Variants in ARHGAP24 observed in about 807,000 individuals in gnomAD.
ARHGAP24 encodes the protein rho GTPase-activating protein 24.
Under a neutral mutation model 76.4 loss-of-function variants are expected in ARHGAP24, and 50 were observed. That is an observed-to-expected ratio of 0.65 (90% CI 0.52 to 0.83). ARHGAP24 has a LOEUF of 0.83. Among genes scored for constraint, ARHGAP24 ranks in the 40% least tolerant of loss-of-function variants. The pLI, the probability that ARHGAP24 is intolerant of heterozygous loss-of-function variation, is 0.00. For synonymous variants in ARHGAP24, 345 were observed against 323.3 expected (o/e 1.07, Z -0.72); for missense variants, 930 against 914.2 (o/e 1.02, Z -0.22).
At chr4:85,526,588 A>G (rs1725008871) in intron 1 of ARHGAP24, among the ~76,000 whole-genome samples, 1 of 152,068 alleles carries the variant, frequency 6.6e-6, no homozygotes, top group Non-Finnish European at 1.5e-5. Context: ...AGGGAGAAGG[A>G]CAGTTCATGG....
intron 3 of ARHGAP24, among the ~76,000 whole-genome samples, chr4:85,734,367 A>AT (rs34520141): frequency 0.54 from 81,805 of 151,840 alleles, 24,439 homozygotes; most frequent in Non-Finnish European, 0.69. Flanking sequence ...TTATTTGTGT[A>AT]TTTTTTTCTT....
chr4:85,633,826 C>T lies in ARHGAP24; in HGVS notation c.180+63105C>T, dbSNP rs551132145. Among the ~76,000 whole-genome samples the T allele has an allele frequency of 2.2e-4, 34 of 151,998 alleles. No individual in the cohort carries two copies. The South Asian group carries it at 4.3e-3, about 19-fold the overall frequency. ...GATTTCTCCTCTCTAAAGTTAAGTT[C>T]TGAGTTTTGCAGATTGCCTCTGCAA... On this transcript the variant is annotated intron_variant, in intron 2 of 9. Transcript: ENST00000395184.
intron 3 of ARHGAP24, among the ~76,000 whole-genome samples, chr4:85,902,824 G>A (rs538047989): frequency 1.4e-4 from 21 of 152,264 alleles, no homozygotes; most frequent in African/African-American, 5.1e-4. Context: ...GGCTGGTCTC[G>A]AACTCCTGAG....
At chr4:85,482,025 A>G (rs1045594319) in intron 1 of ARHGAP24, among the ~76,000 whole-genome samples, 2 of 152,186 alleles carry the variant, frequency 1.3e-5, no homozygotes, top group African/African-American at 4.8e-5. Flanking sequence ...GCTACCTTGA[A>G]GAGTCATCTT....
At chr4:85,916,374 C>A (rs539998073) in intron 3 of ARHGAP24, among the ~76,000 whole-genome samples, 2 of 152,134 alleles carry the variant, frequency 1.3e-5, no homozygotes, top group Non-Finnish European at 2.9e-5. Context: ...CATGTTCACT[C>A]TGATGATAGC....
intron 5 of ARHGAP24, among the ~76,000 whole-genome samples, chr4:85,968,133 T>C (rs1333301766): frequency 6.6e-6 from 1 of 152,082 alleles, no homozygotes; most frequent in Non-Finnish European, 1.5e-5. Context: ...TGGGCCAGTT[T>C]CAATTTTATT....
At chr4:85,918,953 G>A (rs142553228) in intron 3 of ARHGAP24, among the ~76,000 whole-genome samples, 82 of 152,238 alleles carry the variant, frequency 5.4e-4, no homozygotes, top group African/African-American at 1.9e-3. Flanking sequence ...ATCATTTAAA[G>A]TAGTAGTATT....
intron 1 of ARHGAP24, among the ~76,000 whole-genome samples, chr4:85,518,441 T>A (rs1378752921): frequency 6.6e-6 from 1 of 152,156 alleles, no homozygotes; most frequent in Non-Finnish European, 1.5e-5. Context: ...TAGTGGTGAT[T>A]TGTGAGATTT....
intron 8 of ARHGAP24, chr4:85,991,078 C>T (rs1204725855): frequency 2.6e-5 from 4 of 151,600 alleles, no homozygotes; most frequent in Non-Finnish European, 5.9e-5. Context: ...GAAAAAGTGG[C>T]GAAAGATTTG....
At position 86,000,724 on chromosome 4, in the gene ARHGAP24, C is replaced by A. The variant is rs1354140295; in HGVS notation, c.*2C>A. On this transcript the variant is annotated 3_prime_UTR_variant, in exon 10 of 10. Coordinates refer to ENST00000395184, the MANE Select transcript of ARHGAP24 (RefSeq NM_001025616.3). Reference sequence around the variant, plus strand: ...GGAAACACAATATGGATTCAGTGAGCCTGCTTTCGCCTGCTGTCTCTGATG... The same window carrying A: ...GGAAACACAATATGGATTCAGTGAGACTGCTTTCGCCTGCTGTCTCTGATG... 1 of 1,613,586 alleles carries A rather than the reference C, an allele frequency of 6.2e-7. No individual in the cohort carries two copies.
At chr4:85,821,375 A>G (rs2110123953) in intron 3 of ARHGAP24, among the ~76,000 whole-genome samples, 2 of 152,290 alleles carry the variant, frequency 1.3e-5, no homozygotes, top group East Asian at 1.9e-4. Context: ...ATATTTTACT[A>G]TTATTATGAT....
At position 85,607,564 on chromosome 4, in the gene ARHGAP24, A is replaced by G. The variant is rs186225394; in HGVS notation, c.180+36843A>G. On this transcript the variant is annotated intron_variant, in intron 2 of 9. Coordinates refer to ENST00000395184, the MANE Select transcript of ARHGAP24 (RefSeq NM_001025616.3). ...CATTTCATTCATTTGAATCTGTCCC[A>G]GATATTTCTCTGTGCATTTAGCTAT... 3.3e-5 allele frequency among the ~76,000 whole-genome samples: 5 copies of G among 152,134 alleles called. No individual in the cohort carries two copies. The East Asian group carries it at 9.6e-4, about 29-fold the overall frequency.
chr4:85,495,475 C>G (rs539555960), intron 1 of ARHGAP24, among the ~76,000 whole-genome samples: 19 of 150,226 alleles, frequency 1.3e-4, no homozygotes, highest in Non-Finnish European at 5.9e-5. Context: ...CTCAGCCTCC[C>G]GAGTAGCTGG....
intron 2 of ARHGAP24, among the ~76,000 whole-genome samples, chr4:85,666,117 A>G (rs1408359609): frequency 6.6e-6 from 1 of 152,216 alleles, no homozygotes. Flanking sequence ...GTGTTTTCCA[A>G]CTTGGTTCCA....
At chr4:85,848,653 T>C (rs1227662952) in intron 3 of ARHGAP24, among the ~76,000 whole-genome samples, 1 of 152,234 alleles carries the variant, frequency 6.6e-6, no homozygotes, top group East Asian at 1.9e-4. Flanking sequence ...CGGTTTCAGC[T>C]TTCTACATAA....
intron 8 of ARHGAP24, among the ~76,000 whole-genome samples, chr4:85,980,350 T>C (rs1229445363): frequency 6.6e-6 from 1 of 152,228 alleles, no homozygotes; most frequent in Non-Finnish European, 1.5e-5. Context: ...ACAGGGTTTT[T>C]ATTTATTCCT....
intron 3 of ARHGAP24, among the ~76,000 whole-genome samples, chr4:85,824,863 T>C (rs1257741404): frequency 2.0e-5 from 3 of 152,086 alleles, no homozygotes; most frequent in Non-Finnish European, 4.4e-5. Flanking sequence ...GCCAAGATGG[T>C]TGGATCACCT....
At chr4:85,614,006 G>T (rs1720473770) in intron 2 of ARHGAP24, among the ~76,000 whole-genome samples, 1 of 152,092 alleles carries the variant, frequency 6.6e-6, no homozygotes, top group Non-Finnish European at 1.5e-5. Context: ...AGACAAATGG[G>T]CCAAGCTTAG....
rs986462642 is a variant in ARHGAP24, at chr4:85,721,802, C to A, written c.181-83C>A. The A allele has an allele frequency of 1.2e-5, 15 of 1,203,254 alleles. No individual in the cohort carries two copies. The African/African-American group carries it at 2.1e-4, about 17-fold the overall frequency. The allele number at this position is 1,203,254 out of a possible 1,614,324, so 74.5% of individuals were successfully genotyped here. On this transcript the variant is annotated intron_variant, in intron 2 of 9. Coordinates refer to ENST00000395184, the MANE Select transcript of ARHGAP24 (RefSeq NM_001025616.3). ...TACTGTATACTGGGTTATAGCTACA[C>A]CTTGGATATTCACTGATTATAATGA...
Sources: allele counts gnomAD v4.1 joint callset (sites outside exome capture counted in the v4.1 genomes callset), GRCh38; gene constraint gnomAD v4.1.1; transcripts MANE v1.5; gene names NCBI Gene and HGNC (gene_info 2026-07-23, HGNC 2026-07-21).